The following CDKL3 variants were observed in gnomAD, a reference collection of about 807,000 sequenced individuals.
CDKL3 encodes cyclin-dependent kinase-like 3.
CDKL3 carries 65 observed loss-of-function variants against 69.3 expected under a neutral mutation model. The ratio of observed to expected loss-of-function variants is 0.94; its 90% CI spans 0.77 to 1.15. CDKL3 has a LOEUF of 1.15. Ranked by LOEUF, CDKL3 falls within the 50% of genes most tolerant of loss-of-function variation. The probability of loss-of-function intolerance (pLI) is 0.00; values close to 1 mark genes in which losing one functional copy is unlikely to be tolerated. For missense variants in CDKL3, 652 were observed against 689.2 expected (o/e 0.95, Z 0.61); for synonymous variants, 202 against 221.6 (o/e 0.91, Z 0.79).
chr5:134,358,292 A>G (rs1206298157), intron 3 of CDKL3, among the ~76,000 whole-genome samples: 1 of 152,112 alleles, frequency 6.6e-6, no homozygotes, highest in Non-Finnish European at 1.5e-5. Flanking sequence ...CTATTTTCAC[A>G]ATGGTACCCC....
At chr5:134,291,059 A>G (rs1765106121) in intron 8 of CDKL3, among the ~76,000 whole-genome samples, 1 of 152,176 alleles carries the variant, frequency 6.6e-6, no homozygotes, top group African/African-American at 2.4e-5. Flanking sequence ...GGGTATAAGA[A>G]AAAGAGAGGA....
chr5:134,359,082 T>C (rs960535465), intron 3 of CDKL3, among the ~76,000 whole-genome samples: 3 of 152,032 alleles, frequency 2.0e-5, no homozygotes, highest in African/African-American at 4.8e-5. Flanking sequence ...GCCCAGGAGT[T>C]TGAGACCAGC....
At chr5:134,330,312 A>G (rs1402606177) in intron 4 of CDKL3, among the ~76,000 whole-genome samples, 1 of 152,166 alleles carries the variant, frequency 6.6e-6, no homozygotes, top group Non-Finnish European at 1.5e-5. Flanking sequence ...TCCCACCAAA[A>G]TGTTTATAAA....
chr5:134,359,433 C>T (rs1755455938), intron 3 of CDKL3, among the ~76,000 whole-genome samples: 1 of 152,138 alleles, frequency 6.6e-6, no homozygotes, highest in African/African-American at 2.4e-5. Flanking sequence ...AATGACAAGG[C>T]CTCAAACCGC....
At chr5:134,299,554 A>C (rs1765805127) in intron 12 of CDKL3, 2 of 1,205,890 alleles carry the variant, frequency 1.7e-6, no homozygotes, top group Non-Finnish European at 1.1e-6. Context: ...ATTTAGGTGA[A>C]TGTACATATA....
intron 3 of CDKL3, among the ~76,000 whole-genome samples, chr5:134,350,831 G>GAAAAAAAAAAAAAAAAAAAAAAAA (rs112330114): frequency 1.2e-5 from 1 of 82,382 alleles, no homozygotes; most frequent in African/African-American, 3.9e-5. Flanking sequence ...AGAAAAAAAA[G>GAAAAAAAAAAAAAAAAAAAAAAAA]AAAAAAAAAA....
chr5:134,319,207 T>C lies in CDKL3; in HGVS notation c.792+151A>G, dbSNP rs981937191. 23 of 522,722 alleles carry C rather than the reference T, an allele frequency of 4.4e-5. No individual in the cohort carries two copies. The African/African-American group carries it at 4.5e-4, about 10-fold the overall frequency. 32.4% of individuals were successfully genotyped at this position (522,722 alleles called of 1,614,324 possible). A position where few individuals can be genotyped will look rare whatever the true frequency, so the allele number is the denominator to read the frequency against. On this transcript the variant is annotated intron_variant, in intron 6 of 12. Coordinates refer to ENST00000265334, the MANE Select transcript of CDKL3 (RefSeq NM_001113575.2). ...TTAGCCGGGCATGGTGGCAGGTGCC[T>C]GTAATCCCAACTACTCGGAAGGCTG... is the stretch of plus-strand genomic sequence containing the variant.
downstream of CDKL3, among the ~76,000 whole-genome samples, chr5:134,295,103 C>A (rs770477244): frequency 6.7e-6 from 1 of 150,192 alleles, no homozygotes; most frequent in Non-Finnish European, 1.5e-5. Context: ...CAACCTCCAC[C>A]TCCTGGGTTC....
intron 4 of CDKL3, among the ~76,000 whole-genome samples, chr5:134,326,825 A>ATATATGTGTGTGTGTG (rs1357591288): frequency 9.6e-6 from 1 of 104,150 alleles, no homozygotes; most frequent in East Asian, 2.4e-4. Context: ...GTGTATATAT[A>ATATATGTGTGTGTGTG]TATATATATA....
At chr5:134,296,492 A>G (rs746745816), downstream of CDKL3, among the ~76,000 whole-genome samples, 8 of 152,190 alleles carry the variant, frequency 5.3e-5, no homozygotes, top group Non-Finnish European at 1.0e-4. Context: ...ATATAAATAT[A>G]ATATACATCC....
At position 134,366,457 on chromosome 5, in the gene CDKL3, G is replaced by A. The variant is rs1417195209; in HGVS notation, c.67C>T (p.His23Tyr). The change falls in exon 2 of 13, where the codon CAT (histidine) becomes TAT (tyrosine). Residue 23 changes from histidine (H) to tyrosine (Y), a missense_variant. By Grantham distance (83) the His-to-Tyr change is moderately conservative. Coordinates refer to ENST00000265334, the MANE Select transcript of CDKL3 (RefSeq NM_001113575.2). Reference protein sequence around the residue: ...GSYGTVMKCKHKNTGQIVAIK... With the variant: ...GSYGTVMKCKYKNTGQIVAIK... ...GCCACTATCTGCCCAGTATTCTTAT[G>A]TTTACATTTCATGACTGTTCCGTAA... 1 of 1,608,210 alleles carries A rather than the reference G, an allele frequency of 6.2e-7. No homozygotes were observed. The highest frequency in any genetic ancestry group is 1.7e-5 in the Admixed American group (1 of 59,356).
At chr5:134,336,511 T>G (rs976521856) in intron 4 of CDKL3, among the ~76,000 whole-genome samples, 1 of 152,228 alleles carries the variant, frequency 6.6e-6, no homozygotes, top group Non-Finnish European at 1.5e-5. Flanking sequence ...GGGGTTTTGG[T>G]GTGGATGTCC....
chr5:134,296,782 T>TACACACACAC (rs36097045), downstream of CDKL3, among the ~76,000 whole-genome samples: 1,215 of 141,568 alleles, frequency 8.6e-3, 8 homozygotes, highest in Middle Eastern at 0.017. Flanking sequence ...ACCCTGTCTC[T>TACACACACAC]ACACACACAC....
At chr5:134,303,778 G>A (rs2149426590) in intron 11 of CDKL3, among the ~76,000 whole-genome samples, 1 of 152,146 alleles carries the variant, frequency 6.6e-6, no homozygotes, top group East Asian at 1.9e-4. Flanking sequence ...GAACCTGGGA[G>A]GTGGTGGTTG....
At position 134,358,190 on chromosome 5, in the gene CDKL3, T is replaced by C. The variant is rs1339952844; in HGVS notation, c.360+1707A>G. The stretch of plus-strand genomic sequence containing the variant: ...TCAAGGTTCTGGAAAATCTCTCCCC[T>C]GTGAACCTGTGTAATCTTATCTTCC... On this transcript the variant is annotated intron_variant, in intron 3 of 12. Coordinates refer to ENST00000265334, the MANE Select transcript of CDKL3 (RefSeq NM_001113575.2). 3.9e-5 allele frequency among the ~76,000 whole-genome samples: 6 copies of C among 152,234 alleles called. No individual in the cohort carries two copies. The South Asian group carries it at 1.2e-3, about 32-fold the overall frequency.
intron 10 of CDKL3, among the ~76,000 whole-genome samples, chr5:134,306,274 C>T (rs566329685): frequency 3.3e-5 from 5 of 152,192 alleles, no homozygotes; most frequent in Admixed American, 6.5e-5. Context: ...GCGGAAGGAT[C>T]CCTTGAGCTC....
At chr5:134,323,931 A>G (rs1773452613) in intron 4 of CDKL3, among the ~76,000 whole-genome samples, 1 of 152,218 alleles carries the variant, frequency 6.6e-6, no homozygotes, top group African/African-American at 2.4e-5. Context: ...GACAAGCCAC[A>G]AACTGCGAGA....
chr5:134,322,581 G>C (rs1580969610), intron 4 of CDKL3, among the ~76,000 whole-genome samples: 1 of 152,184 alleles, frequency 6.6e-6, no homozygotes, highest in Non-Finnish European at 1.5e-5. Flanking sequence ...CTGCAGCACT[G>C]TTCGTAGAAG....
intron 5 of CDKL3, among the ~76,000 whole-genome samples, chr5:134,320,752 T>G (rs775045749): frequency 2.2e-4 from 33 of 151,198 alleles, no homozygotes; most frequent in African/African-American, 7.8e-4. Flanking sequence ...CAGGCACCTG[T>G]AGTCCCAGCT....
Sources: gnomAD v4.1 joint callset for allele counts (sites outside exome capture counted in the v4.1 genomes callset) on GRCh38, gnomAD v4.1.1 for gene constraint, MANE v1.5 for transcripts, NCBI Gene and HGNC (gene_info 2026-07-23, HGNC 2026-07-21) for gene names.